The following AHDC1 variants were observed in gnomAD, a reference collection of about 807,000 sequenced individuals.
AHDC1 encodes transcription factor Gibbin.
Under a neutral mutation model 87.9 loss-of-function variants are expected in AHDC1, and 7 were observed. The observed-to-expected ratio is 0.08, with a 90% confidence interval of 0.05 to 0.15. AHDC1 has a LOEUF of 0.15. AHDC1 is among the 10% of genes least tolerant of loss of function. AHDC1 has a pLI of 1.00. For missense variants in AHDC1, 1,841 were observed against 2,253.2 expected (o/e 0.82, Z 3.70); for synonymous variants, 1,051 against 1,006.8 (o/e 1.04, Z -0.83).
In AHDC1 at chr1:27,583,769, T is replaced by C. The variant is rs545780019; in HGVS notation, c.-629+19628A>G. On this transcript the variant is annotated intron_variant, in intron 3 of 8. Transcript: ENST00000673934. Reference sequence around the variant, plus strand: ...ACTGTACCTCTTTGAACCCGATTCCTATCTGTGAAATAAGGATAATATGAG... The same window carrying C: ...ACTGTACCTCTTTGAACCCGATTCCCATCTGTGAAATAAGGATAATATGAG... Among the ~76,000 whole-genome samples, 71 of 152,352 alleles carry C rather than the reference T, an allele frequency of 4.7e-4. 1 individual carries two copies. In the South Asian group the frequency reaches 0.013, roughly 28 times the overall value.
chr1:27,543,667 G>A (rs189365754), intron 8 of AHDC1, among the ~76,000 whole-genome samples: 23 of 152,282 alleles, frequency 1.5e-4, no homozygotes, highest in African/African-American at 2.9e-4. Context: ...GGACTGGGGC[G>A]GGTGCGGTGG....
intron 3 of AHDC1, among the ~76,000 whole-genome samples, chr1:27,602,638 C>T (rs1237931654): frequency 6.6e-6 from 1 of 152,228 alleles, no homozygotes; most frequent in African/African-American, 2.4e-5. Context: ...ACAGCTGTCA[C>T]TCAGCACCCC....
chr1:27,600,936 C>T (rs2089513569), intron 3 of AHDC1, among the ~76,000 whole-genome samples: 1 of 152,168 alleles, frequency 6.6e-6, no homozygotes. Flanking sequence ...CAAAATAACC[C>T]CAGAACCCTC....
At chr1:27,571,552 G>T (rs2088512962) in intron 3 of AHDC1, among the ~76,000 whole-genome samples, 1 of 152,098 alleles carries the variant, frequency 6.6e-6, no homozygotes, top group South Asian at 2.1e-4. Flanking sequence ...GGGGGTCAGG[G>T]CTGAGGGACA....
rs577092045 is a variant in AHDC1 at position 27,535,259 on chromosome 1, TG to T, written c.*44-344del. ...CCAGTGCCACCCTTTAGTAGTGCTATGACCTTGGGCATGTTGTTGAACTTCT... is the reference window on the plus strand; with the variant it reads ...CCAGTGCCACCCTTTAGTAGTGCTATACCTTGGGCATGTTGTTGAACTTCT... On this transcript the variant is annotated intron_variant, in intron 8 of 8. Coordinates refer to ENST00000673934, the MANE Select transcript of AHDC1 (RefSeq NM_001371928.1). Among the ~76,000 whole-genome samples the T allele has an allele frequency of 1.9e-4, 29 of 152,326 alleles. No individual in the cohort carries two copies. The East Asian group carries it at 5.0e-3, about 26-fold the overall frequency.
intron 3 of AHDC1, among the ~76,000 whole-genome samples, chr1:27,582,916 A>G (rs2088947042): frequency 1.3e-5 from 2 of 151,784 alleles, no homozygotes; most frequent in Non-Finnish European, 1.5e-5. Context: ...GTTTATTTCT[A>G]TTTCTCTTTT....
chr1:27,583,599 C>G (rs2148446568), intron 3 of AHDC1, among the ~76,000 whole-genome samples: 1 of 152,210 alleles, frequency 6.6e-6, no homozygotes, highest in Admixed American at 6.5e-5. Flanking sequence ...CAGGTCTCTC[C>G]CTCCTTCCTC....
chr1:27,536,816 C>A (rs1323696835), intron 8 of AHDC1, among the ~76,000 whole-genome samples: 1 of 152,100 alleles, frequency 6.6e-6, no homozygotes, highest in African/African-American at 2.4e-5. Context: ...CCTCCAAGGG[C>A]CCCGGGGCAG....
At chr1:27,571,611 G>T (rs148490419) in intron 3 of AHDC1, among the ~76,000 whole-genome samples, 2 of 151,394 alleles carry the variant, frequency 1.3e-5, no homozygotes, top group African/African-American at 2.4e-5. Context: ...CAGCCAAGGA[G>T]GGGGGGGTGG....
In AHDC1 at chr1:27,570,416, G is replaced by C. The variant is rs575297751; in HGVS notation, c.-628-11533C>G. Reference sequence around the variant, plus strand: ...CACTGGCCTAAACCCTTCAAATGGGGATACTGAGGCCATGAGGAGTCAGGC... The same window carrying C: ...CACTGGCCTAAACCCTTCAAATGGGCATACTGAGGCCATGAGGAGTCAGGC... On this transcript the variant is annotated intron_variant, in intron 3 of 8. Coordinates refer to ENST00000673934, the MANE Select transcript of AHDC1 (RefSeq NM_001371928.1). Among the ~76,000 whole-genome samples, 51 of 152,172 alleles carry C rather than the reference G, an allele frequency of 3.4e-4. 2 individuals are homozygous for C. The South Asian group carries it at 1.0e-2, about 30-fold the overall frequency.
At chr1:27,559,892 G>A (rs922794365) in intron 3 of AHDC1, among the ~76,000 whole-genome samples, 4 of 152,332 alleles carry the variant, frequency 2.6e-5, no homozygotes, top group Middle Eastern at 3.4e-3. Context: ...GTTTGTATGC[G>A]TGTGATCGAG....
chr1:27,552,402 T>A, intron 7 of AHDC1: 1 of 254,038 alleles, frequency 3.9e-6, no homozygotes, highest in Non-Finnish European at 7.3e-6. Flanking sequence ...CAGTTTCACT[T>A]TTTTTTTTTT....
Position 27,550,977 on chromosome 1 carries a change from G to C in AHDC1, c.1139C>G (p.Pro380Arg), listed in dbSNP as rs1300711227. 1.3e-6 allele frequency: 2 copies of C among 1,591,440 alleles called. No homozygotes were observed. Among genetic ancestry groups the C allele is most frequent in the Admixed American group, 3.4e-5 (2 of 58,152 alleles). Reference sequence around the variant, plus strand: ...ATCAGTGCGCCGCAAGGCGTACTTGGGGTGACCCTCAGGCCCGGGGGGGCC... The same window carrying C: ...ATCAGTGCGCCGCAAGGCGTACTTGCGGTGACCCTCAGGCCCGGGGGGGCC... ...PHGPPGPEGH[P>R]KYALRRTDRP... The change falls in exon 8 of 9, where the codon CCC becomes CGC. Residue 380 changes from proline (P) to arginine (R), a missense_variant. Transcript: ENST00000673934.
At chr1:27,540,397 TAA>T (rs796486985) in intron 8 of AHDC1, among the ~76,000 whole-genome samples, 2 of 111,916 alleles carry the variant, frequency 1.8e-5, no homozygotes. Flanking sequence ...CAACTCAAGT[TAA>T]AAAAAAAAAA....
chr1:27,551,042 T>C lies in AHDC1; in HGVS notation c.1074A>G (p.Pro358=). The C allele has an allele frequency of 6.4e-7, 1 of 1,557,490 alleles. No individual in the cohort carries two copies. The highest frequency in any genetic ancestry group is 8.7e-7 in the Non-Finnish European group (1 of 1,154,882). ...AGTCCAGGCGCAAGGGCTCGGCCAG[T>C]GGGCAGTGCCCCAGGGGCTGCTGGG... ...LEPQQPLGHC[P]LAEPLRLDLC... The change falls in exon 8 of 9, where the codon CCA becomes CCG. Residue 358 remains proline, a synonymous_variant. Transcript: ENST00000673934.
At chr1:27,556,308 C>T (rs1044026515) in intron 5 of AHDC1, among the ~76,000 whole-genome samples, 1 of 150,798 alleles carries the variant, frequency 6.6e-6, no homozygotes, top group Non-Finnish European at 1.5e-5. Context: ...GACCCTCTCT[C>T]CAGCTTGCAC....
intron 3 of AHDC1, among the ~76,000 whole-genome samples, chr1:27,587,437 C>T (rs773513745): frequency 4.6e-5 from 7 of 152,192 alleles, no homozygotes; most frequent in Non-Finnish European, 1.0e-4. Flanking sequence ...TTCCTGCCCT[C>T]GGCCTTGCTG....
rs1327100780 is a variant in AHDC1, at chr1:27,603,866, G to A, written c.-862-3C>T. The A allele has an allele frequency of 6.6e-6, 1 of 152,344 alleles. No homozygotes were observed. The highest frequency in any genetic ancestry group is 1.5e-5 in the Non-Finnish European group (1 of 68,260). 9.4% of individuals were successfully genotyped at this position (152,344 alleles called of 1,614,324 possible). A position where few individuals can be genotyped will look rare whatever the true frequency, so the allele number is the denominator to read the frequency against. ...TCTGCCTTTCTCTGCTCTCCAAGCT[G>A]GGTGGGAAAAGGAAATGAGGACAGA... On this transcript the variant is annotated splice_region_variant and splice_polypyrimidine_tract_variant and intron_variant, in intron 1 of 8. Transcript: ENST00000673934.
In AHDC1 at chr1:27,562,549, C is replaced by G. The variant is rs888002249; in HGVS notation, c.-628-3666G>C. Among the ~76,000 whole-genome samples the G allele has an allele frequency of 1.3e-5, 2 of 152,166 alleles. No individual in the cohort carries two copies. On this transcript the variant is annotated intron_variant, in intron 3 of 8. Coordinates refer to ENST00000673934, the MANE Select transcript of AHDC1 (RefSeq NM_001371928.1). The surrounding 1 kb of genome is among the most constrained non-coding windows in gnomAD (Gnocchi z 4.4). ...CTGCCCTGGCCCTAAAGGCCCTTCT[C>G]CACACCATCTGAAGAATGCTGGGTC...
Sources: allele counts gnomAD v4.1 joint callset (sites outside exome capture counted in the v4.1 genomes callset), GRCh38; gene constraint gnomAD v4.1.1; non-coding constraint Gnocchi (gnomAD v3.1); transcripts MANE v1.5; gene names NCBI Gene and HGNC (gene_info 2026-07-23, HGNC 2026-07-21).